POR: variants seen among roughly 807,000 people sequenced by gnomAD.
POR encodes NADPH--cytochrome P450 reductase.
A neutral mutation model predicts 84.0 loss-of-function variants in POR; 56 were observed. The ratio of observed to expected loss-of-function variants is 0.67; its 90% CI spans 0.54 to 0.83. The LOEUF (loss-of-function observed/expected upper bound fraction) is 0.83. Ranked by LOEUF, POR falls within the 40% of genes least tolerant of loss-of-function variation. POR has a pLI of 0.00. For missense variants in POR, 938 were observed against 944.3 expected, an observed-to-expected ratio of 0.99 and a Z score of 0.09; for synonymous variants, 414 against 400.5, an observed-to-expected ratio of 1.03 and a Z score of -0.40.
intron 1 of POR, among the ~76,000 whole-genome samples, chr7:75,922,490 A>G (rs1585082841): frequency 6.6e-6 from 1 of 151,904 alleles, no homozygotes; most frequent in South Asian, 2.1e-4. Context: ...TGCCTGGCTA[A>G]TTTTTTGTAA....
chr7:75,952,494 T>C (rs1463663380), intron 1 of POR, among the ~76,000 whole-genome samples: 4 of 151,250 alleles, frequency 2.6e-5, no homozygotes, highest in Non-Finnish European at 5.9e-5. Flanking sequence ...ACGGGGTGGC[T>C]GCTGGGCGGA....
chr7:75,951,293 C>A (rs1212333624), intron 1 of POR, among the ~76,000 whole-genome samples: 3 of 151,798 alleles, frequency 2.0e-5, no homozygotes, highest in African/African-American at 7.3e-5. Flanking sequence ...ACCCTGGAGG[C>A]TGAGGCAAGA....
intron 1 of POR, among the ~76,000 whole-genome samples, chr7:75,949,593 C>T (rs1554552489): frequency 6.6e-6 from 1 of 152,066 alleles, no homozygotes; most frequent in East Asian, 1.9e-4. Flanking sequence ...GATCTCAGCT[C>T]ACTGCAACCT....
chr7:75,922,909 G>A (rs2116216020), intron 1 of POR: 2 of 647,498 alleles, frequency 3.1e-6, no homozygotes, highest in Middle Eastern at 4.0e-4. Context: ...TAAACGACTG[G>A]AATCATTCCT....
At chr7:75,979,683 T>G in intron 4 of POR, 104 bp downstream of exon 4, 1 of 1,493,408 alleles carries the variant, frequency 6.7e-7, no homozygotes, top group South Asian at 1.2e-5. Flanking sequence ...GGGAGTGGGG[T>G]CCTGGGAAGA....
intron 1 of POR, chr7:75,921,366 ATTCTCCT>A (rs1806855419): frequency 6.7e-6 from 1 of 149,448 alleles, no homozygotes; most frequent in Non-Finnish European, 1.5e-5. Context: ...GGTTCAAGTG[ATTCTCCT>A]GCCTCAGCTT....
intron 3 of POR, among the ~76,000 whole-genome samples, chr7:75,975,366 G>A (rs781878744): frequency 5.3e-5 from 8 of 152,120 alleles, no homozygotes; most frequent in African/African-American, 9.7e-5. Context: ...TGGGCTGGGC[G>A]CAGTGGCTCA....
chr7:75,960,610 C>T (rs782414110), intron 2 of POR, among the ~76,000 whole-genome samples: 104 of 152,134 alleles, frequency 6.8e-4, no homozygotes, highest in Non-Finnish European at 1.4e-3. Context: ...TCCAAAGTCC[C>T]ACAGGATCCA....
intron 2 of POR, among the ~76,000 whole-genome samples, chr7:75,956,828 C>T (rs10247525): frequency 0.08 from 12,135 of 151,832 alleles, 1,464 homozygotes; most frequent in African/African-American, 0.26. Context: ...CGGGTTCAGG[C>T]GATTCTCGTG....
chr7:75,986,370 C>T lies in POR; in HGVS notation c.1932C>T (p.Asn644=), dbSNP rs781793669. ...GGAACATGGCCAGGGATGTGCAGAA[C>T]ACCTTCTACGACATCGTGGCTGAGC... Residue 644 remains asparagine, a synonymous_variant, in exon 16 of 16, where the codon AAC becomes AAT. Coordinates refer to ENST00000461988, the MANE Select transcript of POR (RefSeq NM_000941.3). 2.0e-5 allele frequency: 32 copies of T among 1,612,512 alleles called. No homozygotes were observed. In the East Asian group the frequency reaches 4.0e-4, roughly 20 times the overall value.
At chr7:75,974,527 T>TC (rs1422173489) in intron 3 of POR, among the ~76,000 whole-genome samples, 1 of 144,702 alleles carries the variant, frequency 6.9e-6, no homozygotes, top group Non-Finnish European at 1.5e-5. Flanking sequence ...TTCTTTTCTT[T>TC]TTTTTTTTTT....
intron 3 of POR, among the ~76,000 whole-genome samples, chr7:75,975,397 T>G (rs1314520912): frequency 6.6e-6 from 1 of 152,116 alleles, no homozygotes; most frequent in Non-Finnish European, 1.5e-5. Flanking sequence ...CCCAACACTT[T>G]GGGAGGCCGA....
At chr7:75,923,284 T>A in intron 1 of POR, 1 of 1,234,308 alleles carries the variant, frequency 8.1e-7, no homozygotes, top group South Asian at 1.2e-5. Context: ...GAAATTGCCT[T>A]CCCAAGGAAG....
At chr7:75,935,408 A>G (rs1270950746) in intron 1 of POR, among the ~76,000 whole-genome samples, 7 of 151,970 alleles carry the variant, frequency 4.6e-5, no homozygotes, top group Non-Finnish European at 1.0e-4. Flanking sequence ...CACCATGCCC[A>G]GGTAATTTTT....
chr7:75,966,269 T>A (rs1366433150), intron 2 of POR, among the ~76,000 whole-genome samples: 1 of 152,188 alleles, frequency 6.6e-6, no homozygotes, highest in Non-Finnish European at 1.5e-5. Context: ...CTCCAGCAGC[T>A]GCCCTCCCCA....
intron 1 of POR, among the ~76,000 whole-genome samples, chr7:75,941,602 T>G (rs1462058693): frequency 6.6e-6 from 1 of 152,194 alleles, no homozygotes; most frequent in Non-Finnish European, 1.5e-5. Flanking sequence ...ATAAATATTT[T>G]TTAGGCTTTG....
At chr7:75,951,062 G>GC (rs782347388) in intron 1 of POR, among the ~76,000 whole-genome samples, 626 of 14,266 alleles carry the variant, frequency 0.044, 115 homozygotes, top group Non-Finnish European at 0.051. Context: ...CTGTCCCCCG[G>GC]CCCCCCCCCC....
intron 1 of POR, among the ~76,000 whole-genome samples, chr7:75,939,366 G>T (rs1036121304): frequency 4.6e-5 from 7 of 152,178 alleles, no homozygotes; most frequent in African/African-American, 1.7e-4. Flanking sequence ...GCGGGTTCCA[G>T]GCCTGCTTTG....
chr7:75,932,172 T>C (rs1264080334), intron 1 of POR, among the ~76,000 whole-genome samples: 5 of 151,556 alleles, frequency 3.3e-5, no homozygotes, highest in African/African-American at 4.9e-5. Flanking sequence ...CTAAGACAAA[T>C]TCAGAAATTC....
Sources: gnomAD v4.1 joint callset for allele counts (sites outside exome capture counted in the v4.1 genomes callset) on GRCh38, gnomAD v4.1.1 for gene constraint, MANE v1.5 for transcripts, NCBI Gene and HGNC (gene_info 2026-07-23, HGNC 2026-07-21) for gene names.